GPC6: variants seen among roughly 807,000 people sequenced by gnomAD.
GPC6 encodes the protein glypican-6.
In GPC6, 14 loss-of-function variants were observed where a neutral mutation model predicts 55.2. The observed-to-expected ratio is 0.25, with a 90% CI of 0.17 to 0.40. The LOEUF is 0.40. GPC6 is among the 10% of genes least tolerant of loss of function. The pLI is 1.00. For missense variants in GPC6, 641 were observed against 708.5 expected, an observed-to-expected ratio of 0.90 and a Z score of 1.08; for synonymous variants, 278 against 259.6, an observed-to-expected ratio of 1.07 and a Z score of -0.68.
chr13:94,128,400 T>A lies in GPC6; in HGVS notation c.877+100506T>A, dbSNP rs564737929. On this transcript the variant is annotated intron_variant, in intron 4 of 8. Coordinates refer to ENST00000377047, the MANE Select transcript of GPC6 (RefSeq NM_005708.5). ...TCAGGATAAGCTAGTTGTATTGTGATAATAGACAACTTCAAAATCTCAGTG... is the reference window on the plus strand; with the variant it reads ...TCAGGATAAGCTAGTTGTATTGTGAAAATAGACAACTTCAAAATCTCAGTG... Among the ~76,000 whole-genome samples, 44 of 152,296 alleles carry A rather than the reference T, an allele frequency of 2.9e-4. 1 individual carries two copies. Among genetic ancestry groups the A allele is most frequent in the Admixed American group, 1.2e-3 (19 of 15,292 alleles).
chr13:93,798,988 TA>T (rs1465182109), intron 2 of GPC6, among the ~76,000 whole-genome samples: 1 of 151,930 alleles, frequency 6.6e-6, no homozygotes, highest in African/African-American at 2.4e-5. Context: ...AATTATATTT[TA>T]TATACAAAAG....
intron 4 of GPC6, among the ~76,000 whole-genome samples, chr13:94,148,452 AC>A (rs1193188359): frequency 1.3e-5 from 2 of 152,236 alleles, no homozygotes; most frequent in Admixed American, 6.5e-5. Flanking sequence ...GAAACATGTT[AC>A]ATTGAATTAT....
chr13:93,395,833 T>A (rs1875831905), intron 1 of GPC6: 1 of 152,256 alleles, frequency 6.6e-6, no homozygotes. Flanking sequence ...GACCTAGACA[T>A]GATGGCAGGG....
intron 1 of GPC6, among the ~76,000 whole-genome samples, chr13:93,491,566 T>C (rs1880006050): frequency 7.1e-6 from 1 of 140,732 alleles, no homozygotes; most frequent in Non-Finnish European, 1.5e-5. Context: ...TGCCATTGCT[T>C]TTGGTGTTTT....
At chr13:93,440,361 CA>C (rs1264238566) in intron 1 of GPC6, among the ~76,000 whole-genome samples, 1 of 152,130 alleles carries the variant, frequency 6.6e-6, no homozygotes, top group Non-Finnish European at 1.5e-5. Context: ...AAGCAGATGG[CA>C]GTGATGGTTT....
chr13:93,575,824 G>T (rs2139481300), intron 2 of GPC6, among the ~76,000 whole-genome samples: 1 of 152,204 alleles, frequency 6.6e-6, no homozygotes, highest in African/African-American at 2.4e-5. Context: ...CATCTCTGTG[G>T]TGCATGCTTC....
chr13:93,257,880 A>G (rs112695869), intron 1 of GPC6, among the ~76,000 whole-genome samples: 3,270 of 152,300 alleles, frequency 0.021, 121 homozygotes, highest in African/African-American at 0.075. Flanking sequence ...CCTGTAATGC[A>G]ATTCTTTCCA....
intron 2 of GPC6, among the ~76,000 whole-genome samples, chr13:93,579,055 G>A (rs1876808713): frequency 1.3e-5 from 2 of 152,048 alleles, no homozygotes; most frequent in African/African-American, 2.4e-5. Flanking sequence ...ACTAGATTTC[G>A]TGAAGATAGA....
At chr13:93,849,321 C>T (rs1360146674) in intron 3 of GPC6, among the ~76,000 whole-genome samples, 1 of 151,950 alleles carries the variant, frequency 6.6e-6, no homozygotes, top group Non-Finnish European at 1.5e-5. Flanking sequence ...AAAGGATGTA[C>T]TATAGTTCTT....
chr13:93,868,222 G>A (rs1024400449), intron 3 of GPC6, among the ~76,000 whole-genome samples: 3 of 151,656 alleles, frequency 2.0e-5, no homozygotes, highest in Non-Finnish European at 4.4e-5. Context: ...ACTAGCTTTT[G>A]TTCTCTGCCA....
intron 3 of GPC6, among the ~76,000 whole-genome samples, chr13:93,901,230 C>CT (rs1387065175): frequency 3.3e-5 from 5 of 152,098 alleles, no homozygotes; most frequent in Non-Finnish European, 7.4e-5. Context: ...AATATATACT[C>CT]TACTGCAGAA....
intron 1 of GPC6, among the ~76,000 whole-genome samples, chr13:93,533,200 A>G (rs1017477931): frequency 2.0e-5 from 3 of 152,198 alleles, no homozygotes; most frequent in African/African-American, 4.8e-5. Context: ...CATACATTTT[A>G]AAAATGTGGC....
chr13:93,641,461 C>T (rs936484677), intron 2 of GPC6, among the ~76,000 whole-genome samples: 3 of 152,040 alleles, frequency 2.0e-5, no homozygotes, highest in East Asian at 1.9e-4. Context: ...GCTTAACACA[C>T]GAAGATCTTT....
chr13:93,976,337 T>C (rs1195272435), intron 3 of GPC6, among the ~76,000 whole-genome samples: 1 of 152,090 alleles, frequency 6.6e-6, no homozygotes, highest in Non-Finnish European at 1.5e-5. Flanking sequence ...TGGTTTGTTG[T>C]TGTTTATTTA....
intron 2 of GPC6, among the ~76,000 whole-genome samples, chr13:93,824,005 G>T (rs1353669516): frequency 6.6e-6 from 1 of 151,958 alleles, no homozygotes; most frequent in African/African-American, 2.4e-5. Context: ...AATAATCATA[G>T]ATTTTTATTT....
chr13:93,248,319 GCA>G (rs1279834565), intron 1 of GPC6, among the ~76,000 whole-genome samples: 1 of 150,692 alleles, frequency 6.6e-6, no homozygotes, highest in Non-Finnish European at 1.5e-5. Flanking sequence ...ATTTTAAAAA[GCA>G]CAGTCTTGAC....
intron 4 of GPC6, among the ~76,000 whole-genome samples, chr13:94,144,162 A>G (rs1887476816): frequency 6.6e-6 from 1 of 152,096 alleles, no homozygotes; most frequent in Non-Finnish European, 1.5e-5. Flanking sequence ...TATGTAAGAA[A>G]AAGACTGAGA....
intron 4 of GPC6, among the ~76,000 whole-genome samples, chr13:94,133,727 T>G (rs1385365774): frequency 2.0e-5 from 3 of 151,892 alleles, no homozygotes; most frequent in African/African-American, 7.3e-5. Flanking sequence ...TTTTTTTTTT[T>G]GGTCTCAGCT....
chr13:93,880,158 G>A (rs9584164), intron 3 of GPC6, among the ~76,000 whole-genome samples: 9,810 of 151,272 alleles, frequency 0.065, 992 homozygotes, highest in African/African-American at 0.22. Context: ...TCAGTGTGGC[G>A]ATTCCTCAGG....
Sources: gnomAD v4.1 joint callset for allele counts (sites outside exome capture counted in the v4.1 genomes callset) on GRCh38, gnomAD v4.1.1 for gene constraint, MANE v1.5 for transcripts, NCBI Gene and HGNC (gene_info 2026-07-23, HGNC 2026-07-21) for gene names.